CCNG1: variants seen among roughly 807,000 people sequenced by gnomAD.
CCNG1 encodes the protein cyclin-G1.
In CCNG1, 13 loss-of-function variants were observed where a neutral mutation model predicts 30.0. That is an observed-to-expected ratio of 0.43 (90% confidence interval 0.28 to 0.69). The LOEUF is 0.69. Among genes scored for constraint, CCNG1 ranks in the 30% least tolerant of loss-of-function variants. The pLI, the probability that CCNG1 is intolerant of heterozygous loss-of-function variation, is 0.16. For missense variants in CCNG1, 285 were observed against 331.4 expected (o/e 0.86, Z 1.09); for synonymous variants, 110 against 121.5 (o/e 0.91, Z 0.62).
chr5:163,443,237 G>A (rs939589405), intron 6 of CCNG1, among the ~76,000 whole-genome samples: 1 of 151,544 alleles, frequency 6.6e-6, no homozygotes, highest in Non-Finnish European at 1.5e-5. Flanking sequence ...GCGGGAACCC[G>A]GGAGGCGGAG....
chr5:163,442,778 C>T (rs1020101213), intron 6 of CCNG1, among the ~76,000 whole-genome samples: 3 of 151,994 alleles, frequency 2.0e-5, no homozygotes, highest in Admixed American at 6.6e-5. Context: ...TATCCAACCT[C>T]TGATACATAC....
At chr5:163,440,408 C>T (rs910938597) in intron 2 of CCNG1, among the ~76,000 whole-genome samples, 1 of 152,086 alleles carries the variant, frequency 6.6e-6, no homozygotes, top group African/African-American at 2.4e-5. Context: ...AAAATAACTA[C>T]ATTATGCCTT....
the CCNG1 span, among the ~76,000 whole-genome samples, chr5:163,456,475 T>C: frequency 6.6e-6 from 1 of 151,594 alleles, no homozygotes; most frequent in Admixed American, 6.6e-5. Flanking sequence ...AGCATATTAT[T>C]AAATAAAAAA....
At chr5:163,456,653 T>G in the CCNG1 span, among the ~76,000 whole-genome samples, 1 of 152,160 alleles carries the variant, frequency 6.6e-6, no homozygotes, top group Admixed American at 6.5e-5. Flanking sequence ...CTATATTGAT[T>G]CAACTATAGT....
chr5:163,457,598 CAA>C, the CCNG1 span: 15 of 1,583,656 alleles, frequency 9.5e-6, no homozygotes, highest in Admixed American at 1.7e-5. Flanking sequence ...ATTGTAGAAT[CAA>C]AGAGTTTGCC....
At chr5:163,454,168 A>C in the CCNG1 span, 1 of 478,184 alleles carries the variant, frequency 2.1e-6, no homozygotes, top group Non-Finnish European at 3.7e-6. Flanking sequence ...AAAATATAAC[A>C]GACTTCACTG....
rs1293927504 is a variant in CCNG1 at position 163,444,572 on chromosome 5, T to C, written c.*902T>C. 11 of 152,664 alleles carry C rather than the reference T, an allele frequency of 7.2e-5. No individual in the cohort carries two copies. The highest frequency in any genetic ancestry group is 1.3e-4 in the Non-Finnish European group (9 of 68,042). 9.5% of individuals were successfully genotyped at this position (152,664 alleles called of 1,614,324 possible). A position where few individuals can be genotyped will look rare whatever the true frequency, so the allele number is the denominator to read the frequency against. On this transcript the variant is annotated 3_prime_UTR_variant, in exon 7 of 7. Transcript: ENST00000340828. ...ATGGCAATTTTATAAATAGAGAATA[T>C]ACTTCCACTGATGCCCTTACTGTGC...
chr5:163,453,993 G>A, the CCNG1 span: 1 of 1,548,408 alleles, frequency 6.5e-7, no homozygotes. Context: ...GAGAAATCTG[G>A]TCCACCTTTA....
chr5:163,446,176 TTAA>T (rs1758033350), downstream of CCNG1: 3 of 152,228 alleles, frequency 2.0e-5, no homozygotes, highest in African/African-American at 7.2e-5. Context: ...TTAGACTTAT[TTAA>T]TAATGTTTCA....
At chr5:163,455,832 T>TC in the CCNG1 span, among the ~76,000 whole-genome samples, 13,833 of 151,860 alleles carry the variant, frequency 0.091, 883 homozygotes, top group African/African-American at 0.19. Flanking sequence ...ATTAGAGTAA[T>TC]CAGGCAAGAC....
chr5:163,456,719 C>A, the CCNG1 span, among the ~76,000 whole-genome samples: 1 of 152,264 alleles, frequency 6.6e-6, no homozygotes, highest in South Asian at 2.1e-4. Flanking sequence ...ACTCACAAAT[C>A]ACAGCAATAC....
intron 6 of CCNG1, among the ~76,000 whole-genome samples, chr5:163,443,127 G>T (rs426308): frequency 6.6e-6 from 1 of 151,922 alleles, no homozygotes; most frequent in Non-Finnish European, 1.5e-5. Flanking sequence ...GGCCAACATG[G>T]TGAAACCCCG....
the CCNG1 span, chr5:163,452,045 C>T: frequency 2.0e-5 from 3 of 151,130 alleles, no homozygotes; most frequent in Non-Finnish European, 4.4e-5. Context: ...AAGAGTGAAA[C>T]TCCACCTTAA....
downstream of CCNG1, chr5:163,449,870 A>G (rs1270044237): frequency 1.3e-5 from 2 of 152,200 alleles, no homozygotes; most frequent in Admixed American, 1.3e-4. Context: ...AAAAAAATAA[A>G]CCTACCTAAA....
chr5:163,443,400 T>C (rs1395652446), intron 6 of CCNG1, among the ~76,000 whole-genome samples: 1 of 151,994 alleles, frequency 6.6e-6, no homozygotes, highest in Non-Finnish European at 1.5e-5. Context: ...GTCAACACTA[T>C]ACTAACCTAT....
chr5:163,439,205 A>G (rs957780722), intron 1 of CCNG1, 52 bp from the exon 2 acceptor site: 17 of 1,528,452 alleles, frequency 1.1e-5, no homozygotes, highest in African/African-American at 4.2e-5. Flanking sequence ...GGCCAAGGAA[A>G]GCAGGAAGGA....
rs547663269 is a variant in CCNG1, at chr5:163,437,627, C to A, written c.-178C>A. ...GCTCCGAGCTGACCCTGATCAGGGCCGAGTTGTCTCGGCGGCGCTGCCGAG... is the reference window on the plus strand; with the variant it reads ...GCTCCGAGCTGACCCTGATCAGGGCAGAGTTGTCTCGGCGGCGCTGCCGAG... On this transcript the variant is annotated 5_prime_UTR_variant, in exon 1 of 7. Transcript: ENST00000340828. The A allele has an allele frequency of 6.6e-6, 1 of 152,236 alleles. No individual in the cohort carries two copies. The highest frequency in any genetic ancestry group is 2.4e-5 in the African/African-American group (1 of 41,422). The allele number at this position is 152,236 out of a possible 1,614,324, so 9.4% of individuals were successfully genotyped here. A position where few individuals can be genotyped will look rare whatever the true frequency, so the allele number is the denominator to read the frequency against.
chr5:163,453,417 G>A, the CCNG1 span: 4 of 152,278 alleles, frequency 2.6e-5, no homozygotes, highest in African/African-American at 4.8e-5. Flanking sequence ...TAAACTTCTT[G>A]ACATAAAGTA....
In CCNG1 at chr5:163,442,350, T is replaced by A. The variant is rs751220304; in HGVS notation, c.697-24T>A. 5 of 1,553,092 alleles carry A rather than the reference T, an allele frequency of 3.2e-6. No individual in the cohort carries two copies. In the South Asian group the frequency reaches 6.0e-5, roughly 19 times the overall value. ...GGTGGGACTTACTTGGAGTAATAATTTTTTAAAATTTATGTATGTACAGAT... is the reference window on the plus strand; with the variant it reads ...GGTGGGACTTACTTGGAGTAATAATATTTTAAAATTTATGTATGTACAGAT... On this transcript the variant is annotated intron_variant, in intron 5 of 6. Transcript: ENST00000340828.
Sources: gnomAD v4.1 joint callset for allele counts (sites outside exome capture counted in the v4.1 genomes callset) on GRCh38, gnomAD v4.1.1 for gene constraint, MANE v1.5 for transcripts, NCBI Gene and HGNC (gene_info 2026-07-23, HGNC 2026-07-21) for gene names.